Variants in SLC9A9 observed in about 807,000 individuals in gnomAD.
SLC9A9 encodes the protein sodium/hydrogen exchanger 9.
SLC9A9 carries 62 observed loss-of-function variants against 77.8 expected under a neutral mutation model. The observed-to-expected ratio is 0.80, with a 90% CI of 0.65 to 0.98. The LOEUF is 0.98. SLC9A9 is among the 50% of genes least tolerant of loss of function. The pLI, the probability that SLC9A9 is intolerant of heterozygous loss-of-function variation, is 0.00. For synonymous variants in SLC9A9, 320 were observed against 283.5 expected, an observed-to-expected ratio of 1.13 and a Z score of -1.29; for missense variants, 775 against 774.9, an observed-to-expected ratio of 1.00 and a Z score of 0.00.
At chr3:143,577,339 T>TA (rs1239603931) in intron 7 of SLC9A9, among the ~76,000 whole-genome samples, 2 of 152,142 alleles carry the variant, frequency 1.3e-5, no homozygotes, top group African/African-American at 4.8e-5. Context: ...TGCCATACCT[T>TA]AGTGAATGCT....
At chr3:143,785,735 T>G (rs2008028561) in intron 4 of SLC9A9, among the ~76,000 whole-genome samples, 2 of 151,898 alleles carry the variant, frequency 1.3e-5, no homozygotes, top group African/African-American at 4.8e-5. Context: ...TTACTGTAAC[T>G]TGGTTGGAGC....
chr3:143,450,236 A>T (rs1371372591), intron 12 of SLC9A9, among the ~76,000 whole-genome samples: 1 of 141,424 alleles, frequency 7.1e-6, no homozygotes, highest in Non-Finnish European at 1.5e-5. Flanking sequence ...TATATAAATT[A>T]CATATAATTT....
At chr3:143,721,974 A>G (rs7617093) in intron 4 of SLC9A9, among the ~76,000 whole-genome samples, 106,384 of 151,068 alleles carry the variant, frequency 0.7, 38,381 homozygotes, top group East Asian at 1. Context: ...AAACAAAAAC[A>G]TTATTTTAAA....
chr3:143,746,099 C>T (rs1935190997), intron 4 of SLC9A9, among the ~76,000 whole-genome samples: 1 of 152,164 alleles, frequency 6.6e-6, no homozygotes, highest in South Asian at 2.1e-4. Context: ...ATGTGCAGCC[C>T]AGTAGGCCAT....
chr3:143,498,557 A>T (rs1576537379), intron 9 of SLC9A9, among the ~76,000 whole-genome samples: 1 of 152,192 alleles, frequency 6.6e-6, no homozygotes, highest in Non-Finnish European at 1.5e-5. Context: ...CTGTCTCAAA[A>T]AAATAAATAA....
chr3:143,364,878 G>A (rs892738691), intron 13 of SLC9A9, among the ~76,000 whole-genome samples: 2 of 152,138 alleles, frequency 1.3e-5, no homozygotes, highest in African/African-American at 4.8e-5. Context: ...GTGTCCCCTA[G>A]AGAATCACTG....
intron 1 of SLC9A9, among the ~76,000 whole-genome samples, chr3:143,842,317 G>C (rs62268932): frequency 0.93 from 141,164 of 152,224 alleles, 65,798 homozygotes; most frequent in East Asian, 1. Context: ...GGAGGCGGAG[G>C]TGGCAGTGAG....
At chr3:143,306,820 T>G (rs1192007411) in intron 14 of SLC9A9, among the ~76,000 whole-genome samples, 1 of 152,192 alleles carries the variant, frequency 6.6e-6, no homozygotes, top group East Asian at 1.9e-4. Flanking sequence ...GCAAACTCAC[T>G]CCTACACTCT....
chr3:143,530,284 G>A lies in SLC9A9; in HGVS notation c.1089+22078C>T, dbSNP rs142125548. ...TTCCCACATATTGTGGGGGGGACCCGGTGAGAGATAATTGAATCATGGGGG... is the reference window on the plus strand; with the variant it reads ...TTCCCACATATTGTGGGGGGGACCCAGTGAGAGATAATTGAATCATGGGGG... On this transcript the variant is annotated intron_variant, in intron 9 of 15. Transcript: ENST00000316549. Among the ~76,000 whole-genome samples, 1,317 of 152,272 alleles carry A rather than the reference G, an allele frequency of 8.6e-3. 24 individuals carry two copies. Among genetic ancestry groups the A allele is most frequent in the African/African-American group, 0.03 (1,256 of 41,542 alleles).
chr3:143,622,229 G>C (rs1272985640), intron 6 of SLC9A9, among the ~76,000 whole-genome samples: 2 of 152,178 alleles, frequency 1.3e-5, no homozygotes, highest in Non-Finnish European at 2.9e-5. Flanking sequence ...AATCTAGCAA[G>C]GCAGGCCAAC....
intron 12 of SLC9A9, among the ~76,000 whole-genome samples, chr3:143,382,336 GCTCTTCA>G (rs1189679446): frequency 1.3e-5 from 2 of 152,192 alleles, no homozygotes; most frequent in African/African-American, 4.8e-5. Context: ...ATCAACAGCA[GCTCTTCA>G]CTACTGTCGT....
chr3:143,743,276 TAGATAGATAGATAGACAGAC>T (rs1363624007), intron 4 of SLC9A9, among the ~76,000 whole-genome samples: 138 of 150,466 alleles, frequency 9.2e-4, no homozygotes, highest in African/African-American at 3.2e-3. Flanking sequence ...GATAGATAGA[TAGATAGATAGATAGACAGAC>T]AGATAGATAG....
At chr3:143,746,626 G>T (rs1935204121) in intron 4 of SLC9A9, among the ~76,000 whole-genome samples, 1 of 151,996 alleles carries the variant, frequency 6.6e-6, no homozygotes, top group East Asian at 1.9e-4. Flanking sequence ...ACATCCTCAG[G>T]AAAAAAGCCT....
chr3:143,814,975 G>C (rs2008967120), intron 2 of SLC9A9, among the ~76,000 whole-genome samples: 1 of 143,134 alleles, frequency 7.0e-6, no homozygotes. Context: ...GCTTTTTCAG[G>C]AATCTGATAA....
At chr3:143,658,451 G>C (rs2038930319) in intron 5 of SLC9A9, among the ~76,000 whole-genome samples, 1 of 152,190 alleles carries the variant, frequency 6.6e-6, no homozygotes, top group Non-Finnish European at 1.5e-5. Flanking sequence ...GCAATAACCA[G>C]CTGATTCTTT....
chr3:143,771,911 C>A (rs1370008844), intron 4 of SLC9A9, among the ~76,000 whole-genome samples: 2 of 152,142 alleles, frequency 1.3e-5, no homozygotes, highest in Non-Finnish European at 2.9e-5. Context: ...CTTTCCAGGT[C>A]TCCTCCAGGT....
chr3:143,456,112 T>A (rs991740813), intron 12 of SLC9A9, among the ~76,000 whole-genome samples: 3 of 152,084 alleles, frequency 2.0e-5, no homozygotes, highest in Admixed American at 2.0e-4. Flanking sequence ...AAGTTTTTTT[T>A]AATCATGAAT....
Position 143,574,269 on chromosome 3 carries a change from A to G in SLC9A9, c.895-76T>C, listed in dbSNP as rs2037319525. The G allele has an allele frequency of 7.5e-6, 9 of 1,192,466 alleles. No individual in the cohort carries two copies. The South Asian group carries it at 1.2e-4, about 15-fold the overall frequency. The allele number at this position is 1,192,466 out of a possible 1,614,324, so 73.9% of individuals were successfully genotyped here. On this transcript the variant is annotated intron_variant, in intron 7 of 15. Transcript: ENST00000316549. ...CCTTCTTGGCTGAGAATAAAAACTG[A>G]TCTGGTGATGATAGCTCTAGAGCAA...
At chr3:143,834,606 A>G (rs2009523975) in intron 1 of SLC9A9, among the ~76,000 whole-genome samples, 1 of 119,890 alleles carries the variant, frequency 8.3e-6, no homozygotes, top group Non-Finnish European at 1.7e-5. Flanking sequence ...AAATGCTTTC[A>G]ATGAAACAAC....
Sources: allele counts gnomAD v4.1 joint callset (sites outside exome capture counted in the v4.1 genomes callset), GRCh38; gene constraint gnomAD v4.1.1; transcripts MANE v1.5; gene names NCBI Gene and HGNC (gene_info 2026-07-23, HGNC 2026-07-21).